The following TLK1 variants were observed in gnomAD, a reference collection of about 807,000 sequenced individuals.
The protein encoded by TLK1 is tousled like kinase 1.
Under a neutral mutation model 105.3 loss-of-function variants are expected in TLK1, and 24 were observed. That is an observed-to-expected ratio of 0.23 (90% confidence interval 0.17 to 0.32). The LOEUF is 0.32. Ranked by LOEUF, TLK1 falls within the 10% of genes least tolerant of loss-of-function variation. TLK1 has a pLI of 1.00. For missense variants in TLK1, 558 were observed against 910.5 expected (o/e 0.61, Z 4.98); for synonymous variants, 321 against 310.4 (o/e 1.03, Z -0.36).
chr2:171,225,244 G>A (rs1385871214), intron 1 of TLK1, among the ~76,000 whole-genome samples: 4 of 152,118 alleles, frequency 2.6e-5, no homozygotes, highest in Admixed American at 2.6e-4. Flanking sequence ...TGTATAATAA[G>A]GGTCTTGTAT....
intron 2 of TLK1, among the ~76,000 whole-genome samples, chr2:171,111,128 A>G (rs565530666): frequency 3.9e-5 from 6 of 152,372 alleles, no homozygotes; most frequent in African/African-American, 1.4e-4. Flanking sequence ...CATTAAACAA[A>G]GCTCTGGCAA....
At chr2:171,166,972 T>A (rs1409245375) in intron 1 of TLK1, among the ~76,000 whole-genome samples, 1 of 152,200 alleles carries the variant, frequency 6.6e-6, no homozygotes, top group African/African-American at 2.4e-5. Context: ...CCTTCTCAAA[T>A]ATTCAAAATC....
In TLK1 at chr2:171,019,830, G is replaced by A. The variant is rs546174277; in HGVS notation, c.1237-4882C>T. On this transcript the variant is annotated intron_variant, in intron 12 of 20. Coordinates refer to ENST00000431350, the MANE Select transcript of TLK1 (RefSeq NM_012290.5). Reference sequence around the variant, plus strand: ...CCCAGCACTTTGGGAAGCCAAGGCCGGTGGATCACCTGAGGTCAGGAGTTC... The same window carrying A: ...CCCAGCACTTTGGGAAGCCAAGGCCAGTGGATCACCTGAGGTCAGGAGTTC... Among the ~76,000 whole-genome samples the A allele has an allele frequency of 5.3e-5, 8 of 152,190 alleles. No individual in the cohort carries two copies. The East Asian group carries it at 5.8e-4, about 11-fold the overall frequency.
intron 3 of TLK1, among the ~76,000 whole-genome samples, chr2:171,074,303 GT>G (rs1384179854): frequency 3.3e-5 from 5 of 152,216 alleles, no homozygotes; most frequent in Non-Finnish European, 1.5e-5. Flanking sequence ...CAGCAACATT[GT>G]TGCATATCAT....
At chr2:171,024,520 A>G (rs1171973245) in intron 12 of TLK1, among the ~76,000 whole-genome samples, 2 of 152,190 alleles carry the variant, frequency 1.3e-5, no homozygotes, top group Non-Finnish European at 2.9e-5. Flanking sequence ...AAACTTAAGG[A>G]AAAGCAAACA....
In TLK1 at chr2:170,993,024, A is replaced by G. The variant is rs762993385; in HGVS notation, c.*756T>C. On this transcript the variant is annotated 3_prime_UTR_variant, in exon 21 of 21. Coordinates refer to ENST00000431350, the MANE Select transcript of TLK1 (RefSeq NM_012290.5). ...AGAAAAATACCTGTTATCAATTCTA[A>G]CGTGTTGAAAACACTGGCAATATTA... is the stretch of plus-strand genomic sequence containing the variant. The G allele has an allele frequency of 2.0e-4, 30 of 152,650 alleles. No individual in the cohort carries two copies. The highest frequency in any genetic ancestry group is 5.2e-4 in the Admixed American group (8 of 15,280). The allele number at this position is 152,650 out of a possible 1,614,324, so 9.5% of individuals were successfully genotyped here.
At chr2:171,162,861 C>T (rs113795091), upstream of TLK1, among the ~76,000 whole-genome samples, 28 of 152,196 alleles carry the variant, frequency 1.8e-4, no homozygotes, top group African/African-American at 6.0e-4. Flanking sequence ...AGTGCCATCT[C>T]GGCTCACTGC....
At chr2:171,118,767 G>A (rs1200351725) in intron 1 of TLK1, among the ~76,000 whole-genome samples, 1 of 152,086 alleles carries the variant, frequency 6.6e-6, no homozygotes, top group Admixed American at 6.6e-5. Flanking sequence ...GAATGACTTG[G>A]GGAACATTTT....
intron 8 of TLK1, among the ~76,000 whole-genome samples, chr2:171,053,242 G>T (rs1326388605): frequency 6.6e-6 from 1 of 152,124 alleles, no homozygotes; most frequent in Admixed American, 6.6e-5. Context: ...TTAACTTCCA[G>T]TTCTCCAACA....
At chr2:171,161,818 C>T (rs1692509822), upstream of TLK1, among the ~76,000 whole-genome samples, 3 of 151,958 alleles carry the variant, frequency 2.0e-5, no homozygotes, top group South Asian at 6.2e-4. Flanking sequence ...TTCTACAGAC[C>T]CACACAAGTA....
In TLK1 at chr2:171,041,453, T is replaced by C. The variant is rs145279998; in HGVS notation, c.1169+4721A>G. Among the ~76,000 whole-genome samples, 252 of 152,298 alleles carry C rather than the reference T, an allele frequency of 1.7e-3. 2 individuals carry two copies. The highest frequency in any genetic ancestry group is 0.013 in the Admixed American group (197 of 15,294). On this transcript the variant is annotated intron_variant, in intron 11 of 20. Coordinates refer to ENST00000431350, the MANE Select transcript of TLK1 (RefSeq NM_012290.5). Reference sequence around the variant, plus strand: ...ACCCCTGGGCCACAGACCTGTACCGTCCATGGCCTGTTAGGCTGCACAACA... The same window carrying C: ...ACCCCTGGGCCACAGACCTGTACCGCCCATGGCCTGTTAGGCTGCACAACA...
chr2:171,171,087 T>A (rs1308237572), intron 1 of TLK1, among the ~76,000 whole-genome samples: 3 of 152,178 alleles, frequency 2.0e-5, no homozygotes, highest in Non-Finnish European at 2.9e-5. Flanking sequence ...ATTTTTATGA[T>A]CTTAAGTTAG....
intron 18 of TLK1, among the ~76,000 whole-genome samples, chr2:171,002,158 A>T (rs1684409400): frequency 6.6e-6 from 1 of 151,966 alleles, no homozygotes; most frequent in Admixed American, 6.5e-5. Context: ...TTAAAAGCCA[A>T]CCCTTTTTCT....
chr2:171,084,282 G>C (rs1196824727), intron 2 of TLK1, among the ~76,000 whole-genome samples: 1 of 152,144 alleles, frequency 6.6e-6, no homozygotes, highest in African/African-American at 2.4e-5. Flanking sequence ...CTAAGTGGGA[G>C]GAGTCCACGG....
At chr2:171,172,619 G>A (rs1160557498) in intron 1 of TLK1, among the ~76,000 whole-genome samples, 6 of 152,138 alleles carry the variant, frequency 3.9e-5, no homozygotes, top group Admixed American at 3.9e-4. Flanking sequence ...TCTTGTGATA[G>A]TGAGTGGGTT....
At chr2:171,176,838 T>A (rs889931944) in intron 1 of TLK1, among the ~76,000 whole-genome samples, 12 of 151,692 alleles carry the variant, frequency 7.9e-5, no homozygotes, top group East Asian at 3.9e-4. Context: ...ATTTTTTTTT[T>A]AATTTTTTTT....
At chr2:171,229,574 T>G (rs1307955832) in intron 1 of TLK1, among the ~76,000 whole-genome samples, 1 of 152,212 alleles carries the variant, frequency 6.6e-6, no homozygotes, top group Non-Finnish European at 1.5e-5. Flanking sequence ...TTGACCCTGA[T>G]GAGCTACTGG....
chr2:171,068,243 T>C (rs12053543), intron 3 of TLK1, among the ~76,000 whole-genome samples: 87,214 of 151,878 alleles, frequency 0.57, 26,938 homozygotes, highest in East Asian at 0.95. Context: ...GCGGGAAAAT[T>C]GCTTGTATCT....
intron 18 of TLK1, 31 bp from the exon 19 acceptor site, chr2:170,997,854 A>G: frequency 7.5e-7 from 1 of 1,330,970 alleles, no homozygotes; most frequent in Non-Finnish European, 1.1e-6. Flanking sequence ...AAAAAAGGTT[A>G]CTACTGACAA....
Sources: gnomAD v4.1 joint callset for allele counts (sites outside exome capture counted in the v4.1 genomes callset) on GRCh38, gnomAD v4.1.1 for gene constraint, MANE v1.5 for transcripts, NCBI Gene and HGNC (gene_info 2026-07-23, HGNC 2026-07-21) for gene names.